Variants in TTC28 observed in about 807,000 individuals in gnomAD.
TTC28 encodes tetratricopeptide repeat protein 28.
TTC28 carries 61 observed loss-of-function variants against 198.0 expected under a neutral mutation model. That is an observed-to-expected ratio of 0.31 (90% CI 0.25 to 0.38). The LOEUF (loss-of-function observed/expected upper bound fraction) is 0.38, where lower values mean the gene tolerates loss of function less well. Ranked by LOEUF, TTC28 falls within the 10% of genes least tolerant of loss-of-function variation. The pLI, the probability that TTC28 is intolerant of heterozygous loss-of-function variation, is 1.00. For synonymous variants in TTC28, 1,171 were observed against 1,297.8 expected (o/e 0.90, Z 2.10); for missense variants, 2,678 against 3,164.0 (o/e 0.85, Z 3.69).
intron 5 of TTC28, among the ~76,000 whole-genome samples, chr22:28,163,999 C>A (rs927905214): frequency 6.6e-6 from 1 of 152,224 alleles, no homozygotes; most frequent in African/African-American, 2.4e-5. Context: ...GAGATTATAT[C>A]CCGCACCTGG....
At chr22:28,115,886 T>A (rs944933052) in intron 6 of TTC28, among the ~76,000 whole-genome samples, 1 of 152,202 alleles carries the variant, frequency 6.6e-6, no homozygotes, top group Non-Finnish European at 1.5e-5. Flanking sequence ...GAGCCTGCTA[T>A]AATAAGGTTG....
intron 6 of TTC28, among the ~76,000 whole-genome samples, chr22:28,131,560 GA>G (rs901882247): frequency 6.6e-6 from 1 of 152,050 alleles, no homozygotes; most frequent in Non-Finnish European, 1.5e-5. Context: ...ACTAGCCTCG[GA>G]AAAAAATCAA....
chr22:28,472,287 T>C (rs2048106019), intron 2 of TTC28, among the ~76,000 whole-genome samples: 1 of 152,200 alleles, frequency 6.6e-6, no homozygotes. Context: ...ATGGTTGCTA[T>C]TATCTTTATA....
intron 5 of TTC28, among the ~76,000 whole-genome samples, chr22:28,265,237 T>A (rs1931605828): frequency 6.6e-6 from 1 of 152,216 alleles, no homozygotes; most frequent in African/African-American, 2.4e-5. Flanking sequence ...GATTGTAATT[T>A]CAAGCAATTG....
intron 6 of TTC28, among the ~76,000 whole-genome samples, chr22:28,132,494 C>T (rs1207631533): frequency 6.6e-6 from 1 of 152,070 alleles, no homozygotes; most frequent in Non-Finnish European, 1.5e-5. Context: ...AAAAAGCCTC[C>T]CAAAACATTA....
intron 5 of TTC28, among the ~76,000 whole-genome samples, chr22:28,273,732 A>G (rs542325759): frequency 6.6e-6 from 1 of 152,328 alleles, no homozygotes; most frequent in Non-Finnish European, 1.5e-5. Context: ...AAAAGCATCA[A>G]GCCACAAATT....
rs1163037249 is a variant in TTC28, at chr22:28,256,622, T to C, written c.933+39576A>G. On this transcript the variant is annotated intron_variant, in intron 5 of 22. Transcript: ENST00000397906. ...AAAGAACCTGAATAGCCAAAGCAAT[T>C]CAGGGTAAAAAGAACAAGGCTGGAG... Among the ~76,000 whole-genome samples the C allele has an allele frequency of 5.3e-5, 8 of 152,138 alleles. No homozygotes were observed. In the East Asian group the frequency reaches 1.5e-3, roughly 29 times the overall value.
intron 2 of TTC28, among the ~76,000 whole-genome samples, chr22:28,323,020 T>C (rs1360701291): frequency 2.6e-4 from 39 of 152,204 alleles, no homozygotes; most frequent in Admixed American, 2.5e-3. Flanking sequence ...GGCCCCCAAC[T>C]TGAGATTCCG....
intron 5 of TTC28, among the ~76,000 whole-genome samples, chr22:28,275,150 G>GTTTAAA (rs1932340442): frequency 6.6e-6 from 1 of 152,066 alleles, no homozygotes; most frequent in African/African-American, 2.4e-5. Context: ...TTTAAAACAG[G>GTTTAAA]ACAGACTATT....
At chr22:27,997,095 T>C (rs1297566819) in intron 16 of TTC28, among the ~76,000 whole-genome samples, 1 of 152,176 alleles carries the variant, frequency 6.6e-6, no homozygotes, top group Non-Finnish European at 1.5e-5. Flanking sequence ...CAGGAGCAGG[T>C]TGCACAGGAC....
At chr22:28,389,746 A>C (rs1423070874) in intron 2 of TTC28, among the ~76,000 whole-genome samples, 2 of 148,034 alleles carry the variant, frequency 1.4e-5, no homozygotes, top group African/African-American at 4.9e-5. Flanking sequence ...TTTCTTTATT[A>C]GTCTTGCTAG....
intron 5 of TTC28, among the ~76,000 whole-genome samples, chr22:28,264,005 G>A (rs1458115373): frequency 1.3e-5 from 2 of 152,132 alleles, no homozygotes; most frequent in Non-Finnish European, 2.9e-5. Flanking sequence ...GAGAATGGGT[G>A]AAAAACGGGG....
intron 6 of TTC28, among the ~76,000 whole-genome samples, chr22:28,155,139 T>C (rs1320169581): frequency 6.6e-6 from 1 of 152,252 alleles, no homozygotes; most frequent in East Asian, 1.9e-4. Context: ...ATCTTAACAT[T>C]TGTTTCCAGT....
At chr22:27,991,753 G>C (rs558682350) in intron 19 of TTC28, among the ~76,000 whole-genome samples, 1 of 152,320 alleles carries the variant, frequency 6.6e-6, no homozygotes, top group African/African-American at 2.4e-5. Context: ...ACCCTCACTG[G>C]CCAGAACGCA....
rs80202702 is a variant in TTC28 at position 28,449,497 on chromosome 22, T to C, written c.382-142854A>G. ...CTAACACTCTTATGTAGAGGAACTA[T>C]TATTATGCCCATGTTATAGGAGAGG... On this transcript the variant is annotated intron_variant, in intron 2 of 22. Coordinates refer to ENST00000397906, the MANE Select transcript of TTC28 (RefSeq NM_001145418.2). Among the ~76,000 whole-genome samples the C allele has an allele frequency of 7.8e-3, 1,191 of 152,302 alleles. 23 individuals are homozygous for C. The highest frequency in any genetic ancestry group is 0.027 in the African/African-American group (1,102 of 41,568).
intron 5 of TTC28, among the ~76,000 whole-genome samples, chr22:28,278,128 C>T (rs2044507063): frequency 6.6e-6 from 1 of 152,030 alleles, no homozygotes; most frequent in South Asian, 2.1e-4. Flanking sequence ...ATGGGTGTAG[C>T]ATATGCATTA....
intron 2 of TTC28, among the ~76,000 whole-genome samples, chr22:28,456,117 C>T (rs2047855691): frequency 6.6e-6 from 1 of 151,268 alleles, no homozygotes; most frequent in Non-Finnish European, 1.5e-5. Flanking sequence ...CGAGATTGCA[C>T]CACTACACTC....
At chr22:28,354,978 C>T (rs2046053556) in intron 2 of TTC28, among the ~76,000 whole-genome samples, 1 of 115,602 alleles carries the variant, frequency 8.7e-6, no homozygotes, top group Admixed American at 1.1e-4. Flanking sequence ...CCCCCCTCCC[C>T]CCACCCCACT....
intron 6 of TTC28, among the ~76,000 whole-genome samples, chr22:28,147,163 CAG>C (rs1943488309): frequency 6.6e-6 from 1 of 152,200 alleles, no homozygotes; most frequent in South Asian, 2.1e-4. Context: ...TCTGCTGTGT[CAG>C]AGACAGCCTT....
Sources: allele counts gnomAD v4.1 joint callset (sites outside exome capture counted in the v4.1 genomes callset), GRCh38; gene constraint gnomAD v4.1.1; transcripts MANE v1.5; gene names NCBI Gene and HGNC (gene_info 2026-07-23, HGNC 2026-07-21).